LRRC4C: variants seen among roughly 807,000 people sequenced by gnomAD.
LRRC4C encodes the protein leucine rich repeat containing 4C, also known as leucine-rich repeat-containing protein 4C.
In LRRC4C, 5 loss-of-function variants were observed where a neutral mutation model predicts 33.6. The ratio of observed to expected loss-of-function variants is 0.15; its 90% CI spans 0.08 to 0.31. The LOEUF (loss-of-function observed/expected upper bound fraction) is 0.31. LRRC4C is among the 10% of genes least tolerant of loss of function. LRRC4C has a pLI of 1.00. For synonymous variants in LRRC4C, 329 were observed against 302.0 expected (o/e 1.09, Z -0.93); for missense variants, 560 against 796.7 (o/e 0.70, Z 3.58).
chr11:40,851,771 A>T (rs1383149995), intron 2 of LRRC4C, among the ~76,000 whole-genome samples: 1 of 152,150 alleles, frequency 6.6e-6, no homozygotes, highest in Non-Finnish European at 1.5e-5. Context: ...TCCGTCTCAA[A>T]AAATAAATAA....
chr11:40,280,417 G>A (rs1398525461), intron 4 of LRRC4C, among the ~76,000 whole-genome samples: 1 of 152,194 alleles, frequency 6.6e-6, no homozygotes, highest in African/African-American at 2.4e-5. Context: ...GCATTAAGCA[G>A]GCAAAGATTT....
chr11:40,948,613 C>T (rs1365583806), intron 1 of LRRC4C, among the ~76,000 whole-genome samples: 16 of 143,204 alleles, frequency 1.1e-4, no homozygotes, highest in African/African-American at 2.8e-4. Context: ...TGAGAATATG[C>T]GGTGTTTGGT....
intron 1 of LRRC4C, among the ~76,000 whole-genome samples, chr11:41,069,537 A>T (rs1283339639): frequency 6.6e-6 from 1 of 152,102 alleles, no homozygotes; most frequent in Admixed American, 6.5e-5. Flanking sequence ...TCAACACAAA[A>T]ACTCTTCAAC....
chr11:40,139,270 C>T (rs1857200171), intron 6 of LRRC4C, among the ~76,000 whole-genome samples: 1 of 152,136 alleles, frequency 6.6e-6, no homozygotes, highest in Admixed American at 6.6e-5. Flanking sequence ...ACTTGCTGCT[C>T]ACAGTTTCTA....
chr11:40,670,516 A>C (rs1348479216), intron 2 of LRRC4C, among the ~76,000 whole-genome samples: 1 of 152,218 alleles, frequency 6.6e-6, no homozygotes, highest in Non-Finnish European at 1.5e-5. Context: ...TGGACTTTCC[A>C]AGAACTTTGA....
At chr11:41,453,174 A>T (rs1011375287) in intron 1 of LRRC4C, among the ~76,000 whole-genome samples, 2 of 152,168 alleles carry the variant, frequency 1.3e-5, no homozygotes, top group African/African-American at 4.8e-5. Flanking sequence ...AGTGTTACAG[A>T]GAAGACTTTC....
chr11:40,668,918 G>A (rs1477903106), intron 2 of LRRC4C, among the ~76,000 whole-genome samples: 1 of 152,144 alleles, frequency 6.6e-6, no homozygotes, highest in African/African-American at 2.4e-5. Flanking sequence ...AGTAGACAGA[G>A]CATCAGTGAT....
intron 1 of LRRC4C, among the ~76,000 whole-genome samples, chr11:40,994,696 A>G (rs1853833841): frequency 6.6e-6 from 1 of 152,188 alleles, no homozygotes; most frequent in South Asian, 2.1e-4. Context: ...CCTAATAATT[A>G]TAAGTAATCT....
At chr11:41,047,529 A>C (rs1448627685) in intron 1 of LRRC4C, among the ~76,000 whole-genome samples, 1 of 152,174 alleles carries the variant, frequency 6.6e-6, no homozygotes, top group Non-Finnish European at 1.5e-5. Context: ...CAAACTTTAC[A>C]TATAAAAATG....
chr11:40,710,502 G>T (rs58817257), intron 2 of LRRC4C, among the ~76,000 whole-genome samples: 5,404 of 152,272 alleles, frequency 0.035, 116 homozygotes, highest in African/African-American at 0.042. Context: ...GCCCCTGTTT[G>T]CCTGGGTATC....
intron 5 of LRRC4C, among the ~76,000 whole-genome samples, chr11:40,202,213 C>CAAAA (rs35644436): frequency 1.7e-4 from 11 of 65,004 alleles, no homozygotes; most frequent in African/African-American, 6.4e-4. Flanking sequence ...GTGTGATTAC[C>CAAAA]AAAAAAAAAA....
intron 4 of LRRC4C, among the ~76,000 whole-genome samples, chr11:40,314,316 C>G (rs1423010526): frequency 6.6e-6 from 1 of 151,996 alleles, no homozygotes; most frequent in Admixed American, 6.5e-5. Context: ...CCTCGCTAAT[C>G]ATCAGGGAAA....
chr11:40,790,674 A>G (rs1950587671), intron 2 of LRRC4C, among the ~76,000 whole-genome samples: 1 of 152,228 alleles, frequency 6.6e-6, no homozygotes, highest in Non-Finnish European at 1.5e-5. Flanking sequence ...AAATCTCTGT[A>G]AAACATATCT....
At chr11:41,168,700 A>C (rs1944838510) in intron 1 of LRRC4C, among the ~76,000 whole-genome samples, 1 of 151,566 alleles carries the variant, frequency 6.6e-6, no homozygotes, top group Non-Finnish European at 1.5e-5. Flanking sequence ...TCAGAATTAA[A>C]GTGATTAAAT....
Position 40,408,304 on chromosome 11 carries a change from T to C in LRRC4C, c.-269-88583A>G, listed in dbSNP as rs541226574. On this transcript the variant is annotated intron_variant, in intron 3 of 6. Coordinates refer to ENST00000528697, the MANE Select transcript of LRRC4C (RefSeq NM_001258419.2). The stretch of plus-strand genomic sequence containing the variant: ...GTTTGGGATTTAAAATAAGGTATTA[T>C]ACATTTAATTAAATTGCACTCGTAG... Among the ~76,000 whole-genome samples the C allele has an allele frequency of 2.2e-3, 339 of 152,192 alleles. 1 individual carries two copies. Among genetic ancestry groups the C allele is most frequent in the Middle Eastern group, 0.01 (3 of 294 alleles).
At chr11:41,344,367 C>T (rs948187617) in intron 1 of LRRC4C, among the ~76,000 whole-genome samples, 2 of 151,786 alleles carry the variant, frequency 1.3e-5, no homozygotes, top group Non-Finnish European at 2.9e-5. Flanking sequence ...AGTACAGGCG[C>T]CCGCCACCAC....
At chr11:40,286,892 C>A (rs1191993398) in intron 4 of LRRC4C, among the ~76,000 whole-genome samples, 3 of 152,080 alleles carry the variant, frequency 2.0e-5, no homozygotes, top group Non-Finnish European at 2.9e-5. Context: ...TTTCCTTCAC[C>A]TTTTTACCCA....
chr11:40,733,701 C>T (rs1188243090), intron 2 of LRRC4C, among the ~76,000 whole-genome samples: 1 of 152,102 alleles, frequency 6.6e-6, no homozygotes, highest in Non-Finnish European at 1.5e-5. Flanking sequence ...TTGGCCTTGC[C>T]CACTAATGTA....
intron 2 of LRRC4C, among the ~76,000 whole-genome samples, chr11:40,855,156 A>G (rs1953719189): frequency 6.6e-6 from 1 of 152,182 alleles, no homozygotes; most frequent in East Asian, 1.9e-4. Context: ...GAAAGGAGAT[A>G]CTTCTTTTCT....
Sources: allele counts gnomAD v4.1 joint callset (sites outside exome capture counted in the v4.1 genomes callset), GRCh38; gene constraint gnomAD v4.1.1; transcripts MANE v1.5; gene names NCBI Gene and HGNC (gene_info 2026-07-23, HGNC 2026-07-21).